The following IL23R variants were observed in gnomAD, a reference collection of about 807,000 sequenced individuals.
IL23R encodes the protein interleukin-23 receptor.
A neutral mutation model predicts 56.9 loss-of-function variants in IL23R; 34 were observed. That is an observed-to-expected ratio of 0.60 (90% confidence interval 0.45 to 0.80). The LOEUF (loss-of-function observed/expected upper bound fraction) is 0.80, where lower values mean the gene tolerates loss of function less well. IL23R is among the 30% of genes least tolerant of loss of function. The pLI is 0.00. For missense variants in IL23R, 635 were observed against 730.0 expected, an observed-to-expected ratio of 0.87 and a Z score of 1.50; for synonymous variants, 230 against 249.2, an observed-to-expected ratio of 0.92 and a Z score of 0.73.
intron 4 of IL23R, among the ~76,000 whole-genome samples, chr1:67,200,063 G>A (rs1028933527): frequency 7.2e-5 from 11 of 152,044 alleles, no homozygotes; most frequent in Admixed American, 1.3e-4. Flanking sequence ...TTTTTGAGAC[G>A]GAGTCTCGCT....
chr1:67,203,288 G>T (rs1330647695), intron 5 of IL23R, among the ~76,000 whole-genome samples: 1 of 152,060 alleles, frequency 6.6e-6, no homozygotes, highest in Non-Finnish European at 1.5e-5. Flanking sequence ...AATGATTTGC[G>T]CAAAGTCACT....
chr1:67,252,019 T>A (rs2100373067), intron 9 of IL23R, among the ~76,000 whole-genome samples: 1 of 152,044 alleles, frequency 6.6e-6, no homozygotes, highest in Non-Finnish European at 1.5e-5. Flanking sequence ...CTCATCCAGT[T>A]TTTTTTTAAT....
intron 1 of IL23R, among the ~76,000 whole-genome samples, chr1:67,153,774 T>C (rs558706449): frequency 4.3e-3 from 249 of 58,214 alleles, no homozygotes; most frequent in African/African-American, 0.018. Flanking sequence ...GTTTCTTTTC[T>C]TTTTTTTTTG....
At chr1:67,161,297 GTTCCT>G (rs779650780) in intron 1 of IL23R, among the ~76,000 whole-genome samples, 6 of 151,980 alleles carry the variant, frequency 3.9e-5, no homozygotes, top group Non-Finnish European at 7.4e-5. Context: ...CTCTATTTAC[GTTCCT>G]TTCCTTGAAG....
At chr1:67,139,391 T>C (rs1001356981) in intron 1 of IL23R, among the ~76,000 whole-genome samples, 2 of 152,142 alleles carry the variant, frequency 1.3e-5, no homozygotes, top group Non-Finnish European at 2.9e-5. Flanking sequence ...GTTCATTATG[T>C]TTCTATGCCT....
At chr1:67,210,645 A>T (rs531753782) in intron 6 of IL23R, among the ~76,000 whole-genome samples, 1 of 151,658 alleles carries the variant, frequency 6.6e-6, no homozygotes, top group East Asian at 1.9e-4. Context: ...TTTTATTTTT[A>T]TTTTTTTGTA....
In IL23R at chr1:67,219,776, A is replaced by G. The variant is rs781524534; in HGVS notation, c.955+46A>G. 1.9e-6 allele frequency: 3 copies of G among 1,562,552 alleles called. No individual in the cohort carries two copies. The Admixed American group carries it at 5.0e-5, about 26-fold the overall frequency. Reference sequence around the variant, plus strand: ...TATTCTGTTGGGCTTTTCTTTATATATCTTTTCTGCTGAGCACAGTGGCTC... The same window carrying G: ...TATTCTGTTGGGCTTTTCTTTATATGTCTTTTCTGCTGAGCACAGTGGCTC... On this transcript the variant is annotated intron_variant, in intron 7 of 10. Coordinates refer to ENST00000347310, the MANE Select transcript of IL23R (RefSeq NM_144701.3).
chr1:67,235,532 T>A (rs1192571447), intron 7 of IL23R, among the ~76,000 whole-genome samples: 1 of 152,066 alleles, frequency 6.6e-6, no homozygotes, highest in East Asian at 1.9e-4. Flanking sequence ...TAGCTGGTAT[T>A]ACAGGCACGC....
chr1:67,201,273 T>C (rs1173490820), intron 5 of IL23R, among the ~76,000 whole-genome samples: 1 of 151,892 alleles, frequency 6.6e-6, no homozygotes, highest in Non-Finnish European at 1.5e-5. Flanking sequence ...CCAGGCATGG[T>C]GGCGGGCACC....
At chr1:67,230,458 C>T (rs1331100798) in intron 7 of IL23R, among the ~76,000 whole-genome samples, 2 of 152,144 alleles carry the variant, frequency 1.3e-5, no homozygotes, top group African/African-American at 4.8e-5. Context: ...TAGAGTTTTG[C>T]TACACTTTGA....
chr1:67,192,201 A>T (rs1223017554), intron 4 of IL23R, among the ~76,000 whole-genome samples: 4 of 152,176 alleles, frequency 2.6e-5, no homozygotes, highest in Non-Finnish European at 4.4e-5. Flanking sequence ...ATAAGTGGAG[A>T]TGTATTACTG....
At chr1:67,233,972 T>A (rs1020949038) in intron 7 of IL23R, among the ~76,000 whole-genome samples, 19 of 142,096 alleles carry the variant, frequency 1.3e-4, no homozygotes, top group East Asian at 4.5e-4. Context: ...TGTGTGTGTG[T>A]GAGATTCTGT....
chr1:67,165,974 G>A (rs553934766), upstream of IL23R, among the ~76,000 whole-genome samples: 5 of 152,194 alleles, frequency 3.3e-5, no homozygotes, highest in South Asian at 6.2e-4. Flanking sequence ...AAAATAAAGA[G>A]TAACTAAATA....
intron 4 of IL23R, among the ~76,000 whole-genome samples, chr1:67,195,454 A>G (rs918975793): frequency 6.6e-6 from 1 of 152,158 alleles, no homozygotes; most frequent in African/African-American, 2.4e-5. Flanking sequence ...TCATTCCTAT[A>G]CTGAGGATGA....
intron 1 of IL23R, among the ~76,000 whole-genome samples, chr1:67,155,517 C>A (rs1194581272): frequency 6.6e-6 from 1 of 152,026 alleles, no homozygotes; most frequent in African/African-American, 2.4e-5. Context: ...CTAATCTTGT[C>A]TGTGTGTCTT....
intron 4 of IL23R, among the ~76,000 whole-genome samples, chr1:67,194,698 A>C (rs1443942916): frequency 1.3e-5 from 2 of 152,242 alleles, no homozygotes; most frequent in Non-Finnish European, 2.9e-5. Context: ...AGAATTAGCC[A>C]CAAACCAATG....
intron 7 of IL23R, among the ~76,000 whole-genome samples, chr1:67,220,400 A>G (rs925797276): frequency 1.3e-5 from 2 of 152,000 alleles, no homozygotes; most frequent in Non-Finnish European, 2.9e-5. Flanking sequence ...TAATAATAAT[A>G]AATAAGTTAA....
chr1:67,176,282 G>A (rs1418773112), intron 3 of IL23R, among the ~76,000 whole-genome samples: 1 of 152,124 alleles, frequency 6.6e-6, no homozygotes, highest in Admixed American at 6.6e-5. Flanking sequence ...GGATAATATA[G>A]TCAAGTATAA....
chr1:67,263,399 T>A (rs767609373), downstream of IL23R, among the ~76,000 whole-genome samples: 15 of 152,172 alleles, frequency 9.9e-5, no homozygotes, highest in South Asian at 1.5e-3. Context: ...AAATTAGGAT[T>A]TCTTTTTAGT....
Sources: allele counts gnomAD v4.1 joint callset (sites outside exome capture counted in the v4.1 genomes callset), GRCh38; gene constraint gnomAD v4.1.1; transcripts MANE v1.5; gene names NCBI Gene and HGNC (gene_info 2026-07-23, HGNC 2026-07-21).